CFAP206: variants seen among roughly 807,000 people sequenced by gnomAD.
CFAP206 encodes the protein cilia- and flagella-associated protein 206.
Under a neutral mutation model 65.4 loss-of-function variants are expected in CFAP206, and 53 were observed. That is an observed-to-expected ratio of 0.81 (90% confidence interval 0.65 to 1.02). The LOEUF (loss-of-function observed/expected upper bound fraction) is 1.02. Among genes scored for constraint, CFAP206 ranks in the 50% least tolerant of loss-of-function variants. The pLI is 0.00. For missense variants in CFAP206, 663 were observed against 753.2 expected, an observed-to-expected ratio of 0.88 and a Z score of 1.40; for synonymous variants, 250 against 254.4, an observed-to-expected ratio of 0.98 and a Z score of 0.17.
chr6:87,449,596 T>TA (rs1768507288), intron 11 of CFAP206, among the ~76,000 whole-genome samples: 1 of 152,306 alleles, frequency 6.6e-6, no homozygotes, highest in East Asian at 1.9e-4. Flanking sequence ...TTTTCTTACA[T>TA]ACCTGTTGGC....
chr6:87,418,308 T>C lies in CFAP206; in HGVS notation c.732T>C (p.Leu244=). Residue 244 remains leucine (L), a synonymous_variant, in exon 7 of 13, where the codon CTT becomes CTC. Transcript: ENST00000369562. ...RSQVYRYTAI[L]EKAANDPLMR... ...AGGTATACCGCTACACAGCCATCCT[T>C]GAGAAGGCAGCCAACGACCCACTCA... 1 of 1,614,156 alleles carries C rather than the reference T, an allele frequency of 6.2e-7. No homozygotes were observed. Among genetic ancestry groups the C allele is most frequent in the Non-Finnish European group, 8.5e-7 (1 of 1,180,018 alleles).
chr6:87,459,760 C>A (rs1391775656), intron 11 of CFAP206, among the ~76,000 whole-genome samples: 2 of 152,144 alleles, frequency 1.3e-5, no homozygotes, highest in South Asian at 2.1e-4. Context: ...TTGTAAGATA[C>A]CCCAAGGACA....
chr6:87,439,542 TTGA>T (rs1197031134), intron 11 of CFAP206, among the ~76,000 whole-genome samples: 4 of 152,264 alleles, frequency 2.6e-5, no homozygotes, highest in East Asian at 1.9e-4. Flanking sequence ...GTGGTGTCTC[TTGA>T]TGAACAAGTC....
chr6:87,409,556 G>A (rs775710998), intron 1 of CFAP206, among the ~76,000 whole-genome samples: 3 of 150,920 alleles, frequency 2.0e-5, no homozygotes, highest in Non-Finnish European at 2.9e-5. Context: ...TATCATGATA[G>A]GAATATATGT....
Position 87,418,205 on chromosome 6 carries a change from CAGTGCCAGCT to C in CFAP206, c.632-2_639del, listed in dbSNP as rs1562244109. On this transcript the variant is annotated splice_acceptor_variant and coding_sequence_variant, in exon 7 of 13. Transcript: ENST00000369562. LOFTEE classifies it high-confidence loss of function. ...GGCTGCCTTTTCATACTCTTACAAA[CAGTGCCAGCT>C]GTTCTCCATGTAGCAATCCCAGCCA... 1 of 1,613,954 alleles carries C rather than the reference CAGTGCCAGCT, an allele frequency of 6.2e-7. No individual in the cohort carries two copies. Among genetic ancestry groups the C allele is most frequent in the East Asian group, 2.2e-5 (1 of 44,882 alleles).
In CFAP206 at chr6:87,410,670, T is replaced by G; in HGVS notation, c.192+2T>G. ...AGTGATGTGCAGAATCTTGTTAAGGTGATTACCCAACAGTCCTCAAATTTG... is the reference window on the plus strand; with the variant it reads ...AGTGATGTGCAGAATCTTGTTAAGGGGATTACCCAACAGTCCTCAAATTTG... On this transcript the variant is annotated splice_donor_variant, in intron 3 of 12. Transcript: ENST00000369562. LOFTEE classifies it high-confidence loss of function. 6.2e-7 allele frequency: 1 copy of G among 1,611,552 alleles called. No individual in the cohort carries two copies. The highest frequency in any genetic ancestry group is 8.5e-7 in the Non-Finnish European group (1 of 1,177,906).
At chr6:87,419,123 T>G (rs1038763646) in intron 7 of CFAP206, among the ~76,000 whole-genome samples, 5 of 149,904 alleles carry the variant, frequency 3.3e-5, no homozygotes, top group African/African-American at 9.8e-5. Context: ...AAACGTTTGT[T>G]TTTTTTTTTG....
At chr6:87,420,179 G>A (rs1767914750) in intron 7 of CFAP206, among the ~76,000 whole-genome samples, 1 of 152,180 alleles carries the variant, frequency 6.6e-6, no homozygotes, top group Non-Finnish European at 1.5e-5. Context: ...ATGTTAACTA[G>A]TCAGCTACTA....
chr6:87,444,975 C>T, intron 11 of CFAP206: 1 of 525,670 alleles, frequency 1.9e-6, no homozygotes, highest in Non-Finnish European at 3.8e-6. Flanking sequence ...CAGATGGCAG[C>T]ATTTGGCTTC....
At chr6:87,463,914 T>C (rs775137246) in intron 12 of CFAP206, 106 bp from the exon 13 acceptor site, 56 of 740,140 alleles carry the variant, frequency 7.6e-5, no homozygotes, top group Non-Finnish European at 1.1e-4. Flanking sequence ...ATTAATTTCT[T>C]GTGGATTGAA....
In CFAP206 at chr6:87,461,071, G is replaced by A; in HGVS notation, c.1544G>A (p.Ser515Asn). Residue 515 changes from serine to asparagine, a missense_variant, in exon 12 of 13, where the codon AGT becomes AAT. Coordinates refer to ENST00000369562, the MANE Select transcript of CFAP206 (RefSeq NM_001031743.3). The part of the protein sequence containing the change: ...HYIKPITKCE[S>N]STQTNTHILP... ...ATAAAACCAATTACAAAATGTGAAA[G>A]TAGCACACAGACGAATACACACATA... The A allele has an allele frequency of 6.3e-7, 1 of 1,590,532 alleles. No individual in the cohort carries two copies. Among genetic ancestry groups the A allele is most frequent in the African/African-American group, 1.4e-5 (1 of 73,416 alleles).
chr6:87,454,924 T>A (rs557428372), intron 11 of CFAP206, among the ~76,000 whole-genome samples: 47 of 151,628 alleles, frequency 3.1e-4, no homozygotes, highest in African/African-American at 1.1e-3. Flanking sequence ...TTTATTTTTT[T>A]ATTTTTTATT....
chr6:87,416,962 A>C, intron 6 of CFAP206, 135 bp downstream of exon 6: 1 of 748,668 alleles, frequency 1.3e-6, no homozygotes, highest in Non-Finnish European at 2.1e-6. Context: ...TTCCTTAAGA[A>C]TAACTACTGT....
At chr6:87,455,637 C>T (rs1392758107) in intron 11 of CFAP206, among the ~76,000 whole-genome samples, 1 of 151,842 alleles carries the variant, frequency 6.6e-6, no homozygotes, top group Non-Finnish European at 1.5e-5. Context: ...GCTAGGAAAA[C>T]ATGAGAGAAG....
intron 4 of CFAP206, 165 bp from the exon 5 acceptor site, chr6:87,415,521 G>C (rs1203803448): frequency 1.4e-6 from 1 of 707,120 alleles, no homozygotes; most frequent in Non-Finnish European, 2.5e-6. Context: ...TTTTTGTCTT[G>C]AGGCTACATG....
chr6:87,416,574 C>A (rs1582133154), intron 5 of CFAP206, 95 bp from the exon 6 acceptor site: 3 of 1,116,478 alleles, frequency 2.7e-6, no homozygotes, highest in Non-Finnish European at 3.7e-6. Flanking sequence ...GTAACTCAGA[C>A]CCTTAACTTG....
At chr6:87,435,994 T>TTC (rs991895324) in intron 11 of CFAP206, 10 of 151,968 alleles carry the variant, frequency 6.6e-5, no homozygotes, top group African/African-American at 2.2e-4. Flanking sequence ...TGGTCTTTCT[T>TTC]TCTCTCCTGT....
Position 87,464,048 on chromosome 6 carries a change from C to T in CFAP206, c.1667C>T (p.Ser556Leu). ...AATTTGCGCCAGAAAGTTACTCACT[C>T]AGTACAAACTGATCTTAGTCACTTG... Reference protein sequence around the residue: ...LANLRQKVTHSVQTDLSHLRR... With the variant: ...LANLRQKVTHLVQTDLSHLRR... The change falls in exon 13 of 13, where the codon TCA becomes TTA. Residue 556 changes from serine to leucine, a missense_variant. Physicochemically the swap from Ser to Leu is moderately radical, Grantham distance 145. Coordinates refer to ENST00000369562, the MANE Select transcript of CFAP206 (RefSeq NM_001031743.3). 6.2e-7 allele frequency: 1 copy of T among 1,612,694 alleles called. No individual in the cohort carries two copies.
intron 11 of CFAP206, among the ~76,000 whole-genome samples, chr6:87,449,602 T>C (rs1206504386): frequency 1.3e-5 from 2 of 152,208 alleles, no homozygotes; most frequent in African/African-American, 4.8e-5. Context: ...TACATACCTG[T>C]TGGCCATTTG....
Sources: allele counts gnomAD v4.1 joint callset (sites outside exome capture counted in the v4.1 genomes callset), GRCh38; gene constraint gnomAD v4.1.1; transcripts MANE v1.5; gene names NCBI Gene and HGNC (gene_info 2026-07-23, HGNC 2026-07-21).